Variants in ADAMTSL1 observed in about 807,000 individuals in gnomAD.
ADAMTSL1 encodes ADAMTS-like protein 1.
A neutral mutation model predicts 201.8 loss-of-function variants in ADAMTSL1; 126 were observed. The observed-to-expected ratio is 0.62, with a 90% CI of 0.54 to 0.72. The LOEUF is 0.72. Ranked by LOEUF, ADAMTSL1 falls within the 30% of genes least tolerant of loss-of-function variation. ADAMTSL1 has a pLI of 0.00. For synonymous variants in ADAMTSL1, 1,121 were observed against 903.4 expected (o/e 1.24, Z -4.32); for missense variants, 2,679 against 2,277.8 (o/e 1.18, Z -3.59).
intron 14 of ADAMTSL1, among the ~76,000 whole-genome samples, chr9:18,709,881 T>C (rs1832454262): frequency 6.6e-6 from 1 of 152,242 alleles, no homozygotes; most frequent in Non-Finnish European, 1.5e-5. Context: ...CTTGTACCTG[T>C]TGTTCCCCTT....
At chr9:18,338,093 C>T (rs1431084652) in intron 2 of ADAMTSL1, among the ~76,000 whole-genome samples, 1 of 152,168 alleles carries the variant, frequency 6.6e-6, no homozygotes, top group Non-Finnish European at 1.5e-5. Context: ...AATACATGGT[C>T]TACTACCTCA....
At chr9:17,955,267 C>G (rs1334919456) in intron 1 of ADAMTSL1, among the ~76,000 whole-genome samples, 1 of 152,114 alleles carries the variant, frequency 6.6e-6, no homozygotes, top group African/African-American at 2.4e-5. Flanking sequence ...GCTGCATCAA[C>G]TAAGTGGCTC....
chr9:18,452,944 G>A (rs1820466478), intron 2 of ADAMTSL1, among the ~76,000 whole-genome samples: 1 of 152,210 alleles, frequency 6.6e-6, no homozygotes, highest in Non-Finnish European at 1.5e-5. Flanking sequence ...CTGGGTCCAG[G>A]GGTGGCCCCA....
chr9:18,835,621 A>G (rs1825266067), intron 23 of ADAMTSL1, among the ~76,000 whole-genome samples: 2 of 152,138 alleles, frequency 1.3e-5, no homozygotes, highest in Non-Finnish European at 2.9e-5. Context: ...GATACTGAAT[A>G]TAGTACCCAA....
At chr9:18,900,775 C>CGGTGGG (rs1483585047) in intron 26 of ADAMTSL1, among the ~76,000 whole-genome samples, 1 of 2,974 alleles carries the variant, frequency 3.4e-4, no homozygotes, top group African/African-American at 1.9e-3. Flanking sequence ...GGCCTATTGG[C>CGGTGGG]GGTGGGGGTG....
At chr9:18,386,229 A>T (rs1306923174) in intron 2 of ADAMTSL1, among the ~76,000 whole-genome samples, 1 of 152,212 alleles carries the variant, frequency 6.6e-6, no homozygotes, top group Admixed American at 6.5e-5. Context: ...CTGTTGGTTC[A>T]TGGAAAATGA....
Position 18,523,760 on chromosome 9 carries a change from G to A in ADAMTSL1, c.192-9487G>A, listed in dbSNP as rs533051677. ...AAAGATCAGATAGTTGTAGATATGCGGCGTTATTTCTGAGGGCTCTGTTCT... is the reference window on the plus strand; with the variant it reads ...AAAGATCAGATAGTTGTAGATATGCAGCGTTATTTCTGAGGGCTCTGTTCT... On this transcript the variant is annotated intron_variant, in intron 2 of 28. Transcript: ENST00000380548. 3.5e-3 allele frequency among the ~76,000 whole-genome samples: 494 copies of A among 140,474 alleles called. 2 individuals are homozygous for A. The highest frequency in any genetic ancestry group is 0.012 in the African/African-American group (445 of 37,386). 92.2% of individuals were successfully genotyped at this position (140,474 alleles called of 152,430 possible).
chr9:18,299,671 A>G (rs915769507), intron 2 of ADAMTSL1, among the ~76,000 whole-genome samples: 4 of 152,146 alleles, frequency 2.6e-5, no homozygotes, highest in Non-Finnish European at 4.4e-5. Context: ...TCAAGACTGC[A>G]GAACCTGGGT....
At position 18,284,260 on chromosome 9, in the gene ADAMTSL1, A is replaced by G. The variant is rs72684996; in HGVS notation, c.207+120279A>G. Among the ~76,000 whole-genome samples the G allele has an allele frequency of 9.1e-3, 1,384 of 152,254 alleles. 62 individuals are homozygous for G. In the East Asian group the frequency reaches 0.14, roughly 16 times the overall value. On this transcript the variant is annotated intron_variant, in intron 2 of 29. Coordinates refer to the ADAMTSL1 transcript ENST00000680146. ...AATAAAATAAAAAAAGAATTAAAAA[A>G]ACATTTTTTAGATAAAAAATAGATG...
chr9:18,315,373 G>A (rs555900564), intron 2 of ADAMTSL1, among the ~76,000 whole-genome samples: 49 of 152,126 alleles, frequency 3.2e-4, no homozygotes, highest in African/African-American at 1.2e-3. Context: ...CATGCCAGGC[G>A]CCTGTACTCC....
chr9:18,477,558 CCAG>C (rs1337677852), intron 1 of ADAMTSL1, among the ~76,000 whole-genome samples: 2 of 152,170 alleles, frequency 1.3e-5, no homozygotes, highest in Non-Finnish European at 2.9e-5. Context: ...GCGGCCTGTT[CCAG>C]CAGCATGTAT....
At chr9:18,846,106 T>C (rs1053928007) in intron 23 of ADAMTSL1, among the ~76,000 whole-genome samples, 2 of 152,198 alleles carry the variant, frequency 1.3e-5, no homozygotes, top group Non-Finnish European at 2.9e-5. Context: ...TAGTCCTCAT[T>C]CATTTATTCA....
chr9:17,995,616 TA>T (rs1250566713), intron 1 of ADAMTSL1, among the ~76,000 whole-genome samples: 3 of 152,108 alleles, frequency 2.0e-5, no homozygotes, highest in Non-Finnish European at 4.4e-5. Context: ...AAAGTCACAG[TA>T]ATTTGTTTTA....
chr9:18,886,211 T>TATATACAC (rs1202758335), intron 23 of ADAMTSL1, among the ~76,000 whole-genome samples: 1 of 105,896 alleles, frequency 9.4e-6, no homozygotes, highest in Non-Finnish European at 1.9e-5. Context: ...TATATATATA[T>TATATACAC]ACACACACAT....
chr9:18,713,340 G>A (rs1832725584), intron 14 of ADAMTSL1, among the ~76,000 whole-genome samples: 1 of 152,184 alleles, frequency 6.6e-6, no homozygotes, highest in Admixed American at 6.5e-5. Flanking sequence ...TCAGTGTGCA[G>A]TATTCAGGAA....
intron 20 of ADAMTSL1, 84 bp downstream of exon 20, chr9:18,795,608 C>T (rs1212267738): frequency 7.7e-6 from 11 of 1,425,426 alleles, no homozygotes; most frequent in Non-Finnish European, 9.5e-6. Context: ...CCCAGAGATG[C>T]ATAGATAAAG....
intron 26 of ADAMTSL1, among the ~76,000 whole-genome samples, chr9:18,896,810 G>C (rs906099176): frequency 2.0e-5 from 3 of 152,178 alleles, no homozygotes; most frequent in African/African-American, 7.2e-5. Flanking sequence ...CAGAGCAGTT[G>C]CTCAGGCTCA....
intron 13 of ADAMTSL1, among the ~76,000 whole-genome samples, chr9:18,690,621 G>C (rs999680932): frequency 1.3e-5 from 2 of 152,098 alleles, no homozygotes; most frequent in African/African-American, 4.8e-5. Context: ...TCAATAAAAA[G>C]AATGTTCAAG....
At chr9:18,127,516 A>G (rs1301821741) in intron 1 of ADAMTSL1, among the ~76,000 whole-genome samples, 1 of 147,188 alleles carries the variant, frequency 6.8e-6, no homozygotes, top group Admixed American at 6.8e-5. Context: ...ACACACACAC[A>G]CACACAACAC....
Sources: allele counts gnomAD v4.1 joint callset (sites outside exome capture counted in the v4.1 genomes callset), GRCh38; gene constraint gnomAD v4.1.1; transcripts MANE v1.5; gene names NCBI Gene and HGNC (gene_info 2026-07-23, HGNC 2026-07-21).